Variants in POMT2 observed in about 807,000 individuals in gnomAD.
The protein encoded by POMT2 is protein O-mannosyltransferase 2, also known as protein O-mannosyl-transferase 2.
In POMT2, 75 loss-of-function variants were observed where a neutral mutation model predicts 100.0. The ratio of observed to expected loss-of-function variants is 0.75; its 90% CI spans 0.62 to 0.91. The LOEUF is 0.91. Ranked by LOEUF, POMT2 falls within the 40% of genes least tolerant of loss-of-function variation. The pLI is 0.00. For missense variants in POMT2, 940 were observed against 955.1 expected, an observed-to-expected ratio of 0.98 and a Z score of 0.21; for synonymous variants, 378 against 374.1, an observed-to-expected ratio of 1.01 and a Z score of -0.12.
chr14:77,286,252 A>G (rs72681223), intron 12 of POMT2, among the ~76,000 whole-genome samples: 3,361 of 152,346 alleles, frequency 0.022, 69 homozygotes, highest in Non-Finnish European at 0.036. Context: ...TCCCAAAGCC[A>G]TAAGTACTCA....
At chr14:77,303,048 G>T in intron 4 of POMT2, 105 bp from the exon 5 acceptor site, 1 of 850,186 alleles carries the variant, frequency 1.2e-6, no homozygotes. Context: ...ACTTAATTGA[G>T]TGTAAGCACT....
rs1371630699 is a variant in POMT2 at position 77,278,868 on chromosome 14, C to A, written c.1893G>T (p.Gly631=). The change falls in exon 19 of 21, where the codon GGG becomes GGT. Residue 631 remains glycine (G), a splice_region_variant and synonymous_variant. Coordinates refer to ENST00000261534, the MANE Select transcript of POMT2 (RefSeq NM_013382.7). ...CTCCTCGAAGCAGGACCTGGGACAA[C>A]CCTGGGCCCAAGCAGCACAGCCCAG... ...RGARLPAEVA[G]LSQVLLRGGG... 3 of 1,613,032 alleles carry A rather than the reference C, an allele frequency of 1.9e-6. No individual in the cohort carries two copies. The highest frequency in any genetic ancestry group is 1.1e-5 in the South Asian group (1 of 91,064).
intron 20 of POMT2, 57 bp from the exon 21 acceptor site, chr14:77,277,538 C>T: frequency 7.7e-7 from 1 of 1,297,850 alleles, no homozygotes; most frequent in Non-Finnish European, 1.1e-6. Flanking sequence ...AGCTGAGGGG[C>T]TTTGAATTCC....
At chr14:77,304,461 T>G (rs1891155557) in intron 4 of POMT2, among the ~76,000 whole-genome samples, 1 of 152,218 alleles carries the variant, frequency 6.6e-6, no homozygotes, top group African/African-American at 2.4e-5. Flanking sequence ...ATCTATTCCT[T>G]GGGATTACCC....
intron 9 of POMT2, among the ~76,000 whole-genome samples, chr14:77,293,866 T>C (rs1309534150): frequency 6.6e-6 from 1 of 151,844 alleles, no homozygotes; most frequent in Non-Finnish European, 1.5e-5. Flanking sequence ...GTAGATGTTC[T>C]GGTCACCAGG....
chr14:77,280,315 C>T (rs1035855391), intron 16 of POMT2, 77 bp downstream of exon 16: 9 of 1,602,418 alleles, frequency 5.6e-6, no homozygotes, highest in South Asian at 1.1e-5. Context: ...CTAGTACACC[C>T]ACCCCCGCCT....
chr14:77,289,222 C>T (rs530773631), intron 10 of POMT2, among the ~76,000 whole-genome samples: 4 of 151,902 alleles, frequency 2.6e-5, no homozygotes, highest in Admixed American at 6.6e-5. Context: ...GAAACCCCAT[C>T]TCTACTAAAA....
At chr14:77,315,907 G>A (rs1406704724) in intron 1 of POMT2, among the ~76,000 whole-genome samples, 1 of 152,222 alleles carries the variant, frequency 6.6e-6, no homozygotes. Context: ...AGCTACTCGG[G>A]AGGCTAAGGC....
In POMT2 at chr14:77,320,812, C is replaced by A; in HGVS notation, c.-131G>T. On this transcript the variant is annotated 5_prime_UTR_variant, in exon 1 of 21. Transcript: ENST00000261534. The stretch of plus-strand genomic sequence containing the variant: ...CAACGCCCTTCACTGCAGCGGAGCG[C>A]GGGGCCCCGGGCTCGGGGCGGGGCG... The A allele has an allele frequency of 2.2e-6, 3 of 1,380,518 alleles. No individual in the cohort carries two copies. Among genetic ancestry groups the A allele is most frequent in the Non-Finnish European group, 2.8e-6 (3 of 1,074,388 alleles). 85.5% of individuals were successfully genotyped at this position (1,380,518 alleles called of 1,614,324 possible). A position where few individuals can be genotyped will look rare whatever the true frequency, so the allele number is the denominator to read the frequency against.
chr14:77,292,723 A>G (rs1177390871), intron 9 of POMT2, among the ~76,000 whole-genome samples: 1 of 152,228 alleles, frequency 6.6e-6, no homozygotes, highest in African/African-American at 2.4e-5. Flanking sequence ...TATTTTTACT[A>G]TACCATTTCC....
intron 1 of POMT2, chr14:77,319,567 G>A (rs1007521885): frequency 2.6e-5 from 4 of 152,228 alleles, no homozygotes; most frequent in African/African-American, 9.7e-5. Context: ...TCTCCCTCCA[G>A]GACAAAGAGG....
intron 5 of POMT2, 122 bp from the exon 6 acceptor site, chr14:77,301,371 C>T (rs1049208503): frequency 1.5e-6 from 2 of 1,333,520 alleles, no homozygotes; most frequent in Non-Finnish European, 2.1e-6. Context: ...CTTGGGGGCT[C>T]TTAGCCTCAA....
intron 1 of POMT2, chr14:77,312,244 C>T (rs747471481): frequency 5.7e-6 from 4 of 706,112 alleles, no homozygotes; most frequent in Non-Finnish European, 4.3e-6. Context: ...ATGAGAAAGG[C>T]GAGCAAATAT....
At position 77,285,520 on chromosome 14, in the gene POMT2, C is replaced by T. The variant is rs267606968; in HGVS notation, c.1445G>A (p.Gly482Asp). Residue 482 changes from glycine (G) to aspartate (D), a missense_variant, in exon 13 of 21, where the codon GGT becomes GAT. Transcript: ENST00000261534. Reference sequence around the variant, plus strand: ...CTTTCCCGAGGAGCCCAGGACACAACCTGTGACCAAATGGATGAAGCGAAT... The same window carrying T: ...CTTTCCCGAGGAGCCCAGGACACAATCTGTGACCAAATGGATGAAGCGAAT... ...SRIRFIHLVTGCVLGSSGKVL... is the reference protein window; with the variant it reads ...SRIRFIHLVTDCVLGSSGKVL... The T allele has an allele frequency of 1.2e-6, 2 of 1,614,178 alleles. No homozygotes were observed. Among genetic ancestry groups the T allele is most frequent in the Non-Finnish European group, 1.7e-6 (2 of 1,180,042 alleles).
Position 77,277,294 on chromosome 14 carries a change from C to T in POMT2, c.*82G>A. On this transcript the variant is annotated 3_prime_UTR_variant, in exon 21 of 21. Coordinates refer to ENST00000261534, the MANE Select transcript of POMT2 (RefSeq NM_013382.7). Reference sequence around the variant, plus strand: ...CTTCGGGCTCCTTAGGCAGCTTCCTCATGGCCGGATGGTCCAGTACTGCTT... The same window carrying T: ...CTTCGGGCTCCTTAGGCAGCTTCCTTATGGCCGGATGGTCCAGTACTGCTT... 1 of 1,254,534 alleles carries T rather than the reference C, an allele frequency of 8.0e-7. No individual in the cohort carries two copies. Among genetic ancestry groups the T allele is most frequent in the South Asian group, 1.2e-5 (1 of 81,572 alleles). 77.7% of individuals were successfully genotyped at this position (1,254,534 alleles called of 1,614,324 possible).
chr14:77,304,604 T>C (rs1891159923), intron 4 of POMT2, 88 bp downstream of exon 4: 3 of 1,535,210 alleles, frequency 2.0e-6, no homozygotes, highest in Non-Finnish European at 2.6e-6. Flanking sequence ...GACCCACATA[T>C]AGGGCCCTTG....
intron 7 of POMT2, among the ~76,000 whole-genome samples, chr14:77,299,169 T>A (rs1278650679): frequency 6.6e-6 from 1 of 152,224 alleles, no homozygotes; most frequent in Non-Finnish European, 1.5e-5. Context: ...CTACTGCACA[T>A]CTTATTGTGG....
rs727502857 is a variant in POMT2, at chr14:77,285,480, C to A, written c.1484+1G>T. ...GGGACAGCAAAACCCTAGAGACTTA[C>A]CACTTGGGCAGAACCTTTCCCGAGG... is the stretch of plus-strand genomic sequence containing the variant. On this transcript the variant is annotated splice_donor_variant, in intron 13 of 20. Transcript: ENST00000261534. LOFTEE classifies it high-confidence loss of function. 1.2e-6 allele frequency: 2 copies of A among 1,614,062 alleles called. No homozygotes were observed. The highest frequency in any genetic ancestry group is 1.1e-5 in the South Asian group (1 of 91,076).
rs1457544470 is a variant in POMT2 at position 77,320,200 on chromosome 14, C to CA, written c.248+233dup. On this transcript the variant is annotated intron_variant, in intron 1 of 20. Transcript: ENST00000261534. ...ATGCACTGTAGCATAACCTGGAAGACATGAGGGCTGCTTCCTCAGATACTA... is the reference window on the plus strand; with the variant it reads ...ATGCACTGTAGCATAACCTGGAAGACAATGAGGGCTGCTTCCTCAGATACTA... 4.4e-6 allele frequency: 3 copies of CA among 679,136 alleles called. No individual in the cohort carries two copies. The East Asian group carries it at 8.3e-5, about 19-fold the overall frequency. The allele number at this position is 679,136 out of a possible 1,614,324, so 42.1% of individuals were successfully genotyped here.
Sources: allele counts gnomAD v4.1 joint callset (sites outside exome capture counted in the v4.1 genomes callset), GRCh38; gene constraint gnomAD v4.1.1; transcripts MANE v1.5; gene names NCBI Gene and HGNC (gene_info 2026-07-23, HGNC 2026-07-21).